Variants in POLN observed in about 807,000 individuals in gnomAD.
The protein encoded by POLN is DNA polymerase nu.
POLN carries 108 observed loss-of-function variants against 113.5 expected under a neutral mutation model. That is an observed-to-expected ratio of 0.95 (90% CI 0.81 to 1.12). POLN has a LOEUF of 1.12. Among genes scored for constraint, POLN ranks in the 50% most tolerant of loss-of-function variants. POLN has a pLI of 0.00. For synonymous variants in POLN, 386 were observed against 391.5 expected (o/e 0.99, Z 0.17); for missense variants, 1,097 against 1,077.1 (o/e 1.02, Z -0.26).
chr4:2,161,370 A>G (rs1264614778), intron 13 of POLN, among the ~76,000 whole-genome samples: 3 of 152,212 alleles, frequency 2.0e-5, no homozygotes, highest in Non-Finnish European at 2.9e-5. Flanking sequence ...CGGAGCAGCC[A>G]GCCGGCCCTG....
chr4:2,194,230 G>A (rs1385445309), intron 6 of POLN, among the ~76,000 whole-genome samples: 1 of 152,136 alleles, frequency 6.6e-6, no homozygotes, highest in Non-Finnish European at 1.5e-5. Context: ...TGCTGCCAGG[G>A]TCCAAACTCT....
Position 2,093,617 on chromosome 4 carries a change from G to A in POLN, c.2065+2234C>T, listed in dbSNP as rs1052316139. ...TTTGCAACACAAGATGCAGCAGGATGCAAGGCAACAAACTCTCATATAATT... is the reference window on the plus strand; with the variant it reads ...TTTGCAACACAAGATGCAGCAGGATACAAGGCAACAAACTCTCATATAATT... On this transcript the variant is annotated intron_variant, in intron 20 of 25. Coordinates refer to ENST00000511885, the MANE Select transcript of POLN (RefSeq NM_181808.4). This position sits in a 1 kb window ranked among gnomAD's most constrained non-coding sequence, Gnocchi z 4.1. 6.6e-5 allele frequency among the ~76,000 whole-genome samples: 10 copies of A among 152,286 alleles called. No homozygotes were observed. Among genetic ancestry groups the A allele is most frequent in the East Asian group, 3.9e-4 (2 of 5,176 alleles).
intron 7 of POLN, among the ~76,000 whole-genome samples, chr4:2,184,228 A>G (rs1032175440): frequency 1.4e-4 from 21 of 149,636 alleles, no homozygotes; most frequent in African/African-American, 5.2e-4. Context: ...ACCAAGACAC[A>G]GTCTAGTAAA....
chr4:2,156,775 T>C lies in POLN; in HGVS notation c.1731+13A>G. 6.2e-7 allele frequency: 1 copy of C among 1,606,064 alleles called. No individual in the cohort carries two copies. Among genetic ancestry groups the C allele is most frequent in the South Asian group, 1.1e-5 (1 of 90,922 alleles). ...AATGGCGTTTAACAAAGACAGTTGTTTAAACAACTTACAGGATGCTTGGCT... is the reference window on the plus strand; with the variant it reads ...AATGGCGTTTAACAAAGACAGTTGTCTAAACAACTTACAGGATGCTTGGCT... On this transcript the variant is annotated intron_variant, in intron 16 of 25. Coordinates refer to ENST00000511885, the MANE Select transcript of POLN (RefSeq NM_181808.4).
chr4:2,215,991 C>T lies in POLN; in HGVS notation c.134-2865G>A, dbSNP rs140292922. On this transcript the variant is annotated intron_variant, in intron 3 of 25. Coordinates refer to ENST00000511885, the MANE Select transcript of POLN (RefSeq NM_181808.4). ...AGAGGTAAGCCCCTGGCCACCATGCCCTTCTCTGGCCATAGCCCCAGCATT... is the reference window on the plus strand; with the variant it reads ...AGAGGTAAGCCCCTGGCCACCATGCTCTTCTCTGGCCATAGCCCCAGCATT... Among the ~76,000 whole-genome samples, 92 of 152,340 alleles carry T rather than the reference C, an allele frequency of 6.0e-4. 1 individual carries two copies. The highest frequency in any genetic ancestry group is 2.1e-3 in the African/African-American group (88 of 41,574).
intron 7 of POLN, among the ~76,000 whole-genome samples, chr4:2,182,190 G>T (rs28886277): frequency 0.25 from 37,480 of 152,016 alleles, 7,143 homozygotes; most frequent in African/African-American, 0.51. Context: ...AACAATGGGT[G>T]GAATTGTGGT....
At position 2,108,097 on chromosome 4, in the gene POLN, G is replaced by C. The variant is rs140413031; in HGVS notation, c.1983-12164C>G. Among the ~76,000 whole-genome samples the C allele has an allele frequency of 6.8e-4, 103 of 152,316 alleles. 1 individual carries two copies. The East Asian group carries it at 0.017, about 25-fold the overall frequency. ...AGTCTCTCTTGACTTCTTCAAAGAA[G>C]CCTTCCTGACTCCAAGCAATCCCAG... is the stretch of plus-strand genomic sequence containing the variant. On this transcript the variant is annotated intron_variant, in intron 19 of 25. Coordinates refer to ENST00000511885, the MANE Select transcript of POLN (RefSeq NM_181808.4).
chr4:2,213,786 A>G (rs1169277937), intron 3 of POLN, among the ~76,000 whole-genome samples: 3 of 152,246 alleles, frequency 2.0e-5, no homozygotes, highest in African/African-American at 7.2e-5. Context: ...ATCTTATTAA[A>G]TGGCATAAAA....
chr4:2,121,524 T>C (rs1366162958), intron 19 of POLN, among the ~76,000 whole-genome samples: 2 of 151,472 alleles, frequency 1.3e-5, no homozygotes, highest in Non-Finnish European at 2.9e-5. Context: ...AGGGACAAAC[T>C]CAATTTCTTA....
intron 19 of POLN, among the ~76,000 whole-genome samples, chr4:2,125,684 T>A (rs896035270): frequency 6.6e-6 from 1 of 152,130 alleles, no homozygotes; most frequent in South Asian, 2.1e-4. Context: ...GGGCAGCTGA[T>A]GGGCTGAGCG....
chr4:2,228,215 A>G (rs1734447943), intron 3 of POLN: 1 of 159,498 alleles, frequency 6.3e-6, no homozygotes, highest in Admixed American at 6.6e-5. Context: ...AGGCTTGCAA[A>G]TTTAAAATAA....
At chr4:2,125,575 C>G (rs73799518) in intron 19 of POLN, among the ~76,000 whole-genome samples, 1 of 152,096 alleles carries the variant, frequency 6.6e-6, no homozygotes, top group Non-Finnish European at 1.5e-5. Flanking sequence ...TCCGCCAGCA[C>G]CTGGGGTGGG....
intron 16 of POLN, among the ~76,000 whole-genome samples, chr4:2,153,390 C>G (rs1476107719): frequency 2.0e-5 from 3 of 151,874 alleles, no homozygotes; most frequent in African/African-American, 7.3e-5. Flanking sequence ...AGAGAAGTGT[C>G]TACAATAAAA....
intron 5 of POLN, among the ~76,000 whole-genome samples, chr4:2,199,250 A>G (rs114982352): frequency 2.0e-4 from 30 of 152,316 alleles, no homozygotes; most frequent in Admixed American, 5.9e-4. Context: ...ATGTATGCTG[A>G]AAACTATAAA....
In POLN at chr4:2,152,523, G is replaced by A. The variant is rs76219503; in HGVS notation, c.1731+4265C>T. 0.01 allele frequency among the ~76,000 whole-genome samples: 1,531 copies of A among 150,994 alleles called. 72 individuals are homozygous for A. In the East Asian group the frequency reaches 0.13, roughly 13 times the overall value. On this transcript the variant is annotated intron_variant, in intron 16 of 25. Transcript: ENST00000511885. ...ATCTTAAAATTTATGTAGAGATGGG[G>A]TCTTGCTATGCTGCCCAGGCTAATA... is the stretch of plus-strand genomic sequence containing the variant.
chr4:2,125,361 A>G (rs1177864025), intron 19 of POLN, among the ~76,000 whole-genome samples: 1 of 152,200 alleles, frequency 6.6e-6, no homozygotes, highest in African/African-American at 2.4e-5. Flanking sequence ...GGAGTTCAGG[A>G]GCCCCTGTCT....
chr4:2,126,931 G>C lies in POLN; in HGVS notation c.1982+1182C>G, dbSNP rs914170884. 6.6e-6 allele frequency among the ~76,000 whole-genome samples: 1 copy of C among 152,186 alleles called. No individual in the cohort carries two copies. Among genetic ancestry groups the C allele is most frequent in the Non-Finnish European group, 1.5e-5 (1 of 68,032 alleles). ...TTCAGCAAAGACAGAGGCGGAGACA[G>C]CGCATGGGGAGGGGAGTGCAGGGGG... On this transcript the variant is annotated intron_variant, in intron 19 of 25. Coordinates refer to ENST00000511885, the MANE Select transcript of POLN (RefSeq NM_181808.4). This position sits in a 1 kb window ranked among gnomAD's most constrained non-coding sequence, Gnocchi z 4.6.
intron 3 of POLN, among the ~76,000 whole-genome samples, chr4:2,220,837 G>A (rs1734235628): frequency 6.6e-6 from 1 of 152,150 alleles, no homozygotes; most frequent in Non-Finnish European, 1.5e-5. Context: ...AAAAGAAAAA[G>A]CCTGAACAAA....
At chr4:2,131,486 A>G (rs1731727372) in intron 16 of POLN, among the ~76,000 whole-genome samples, 196 bp from the exon 17 acceptor site, 1 of 152,238 alleles carries the variant, frequency 6.6e-6, no homozygotes, top group African/African-American at 2.4e-5. Flanking sequence ...AAATGTACTT[A>G]GCAGATTTGA....
Sources: gnomAD v4.1 joint callset for allele counts (sites outside exome capture counted in the v4.1 genomes callset) on GRCh38, gnomAD v4.1.1 for gene constraint, Gnocchi (gnomAD v3.1) non-coding constraint, MANE v1.5 for transcripts, NCBI Gene and HGNC (gene_info 2026-07-23, HGNC 2026-07-21) for gene names.